The following CAMK1D variants were observed in gnomAD, a reference collection of about 807,000 sequenced individuals.
CAMK1D encodes calcium/calmodulin-dependent protein kinase type 1D.
CAMK1D carries 9 observed loss-of-function variants against 47.7 expected under a neutral mutation model. The observed-to-expected ratio is 0.19, with a 90% confidence interval of 0.11 to 0.33. The LOEUF (loss-of-function observed/expected upper bound fraction) is 0.33, where lower values mean the gene tolerates loss of function less well. Ranked by LOEUF, CAMK1D falls within the 10% of genes least tolerant of loss-of-function variation. The pLI, the probability that CAMK1D is intolerant of heterozygous loss-of-function variation, is 1.00. For missense variants in CAMK1D, 291 were observed against 488.7 expected, an observed-to-expected ratio of 0.60 and a Z score of 3.81; for synonymous variants, 184 against 184.9, an observed-to-expected ratio of 0.99 and a Z score of 0.04.
intron 2 of CAMK1D, among the ~76,000 whole-genome samples, chr10:12,644,574 T>G (rs1324515289): frequency 6.6e-6 from 1 of 152,216 alleles, no homozygotes; most frequent in East Asian, 1.9e-4. Context: ...TCATGCTTAG[T>G]GGGGTTCCTG....
chr10:12,751,061 GA>G (rs1442960803), intron 3 of CAMK1D, among the ~76,000 whole-genome samples: 1 of 1,384 alleles, frequency 7.2e-4, no homozygotes, highest in East Asian at 0.014. Context: ...AATAAGATAA[GA>G]TAAGATAAGA....
intron 1 of CAMK1D, among the ~76,000 whole-genome samples, chr10:12,470,078 G>T (rs1039465412): frequency 6.6e-6 from 1 of 152,164 alleles, no homozygotes; most frequent in Non-Finnish European, 1.5e-5. Context: ...TAAACAACCA[G>T]ATTGTTAGGT....
intron 3 of CAMK1D, chr10:12,725,359 T>C (rs543680893): frequency 6.4e-6 from 1 of 156,094 alleles, no homozygotes; most frequent in South Asian, 2.0e-4. Flanking sequence ...AATATATTCT[T>C]ACGTGTGAAA....
At chr10:12,771,914 G>C (rs1342335030) in intron 5 of CAMK1D, among the ~76,000 whole-genome samples, 1 of 152,078 alleles carries the variant, frequency 6.6e-6, no homozygotes, top group Non-Finnish European at 1.5e-5. Context: ...CACACCTGTA[G>C]TCCCAGCTAC....
At position 12,615,593 on chromosome 10, in the gene CAMK1D, A is replaced by G. The variant is rs1001406714; in HGVS notation, c.225-51143A>G. Among the ~76,000 whole-genome samples the G allele has an allele frequency of 2.7e-3, 44 of 16,478 alleles. 1 individual carries two copies. Among genetic ancestry groups the G allele is most frequent in the African/African-American group, 3.6e-3 (42 of 11,536 alleles). The allele number at this position is 16,478 out of a possible 152,430, so 10.8% of individuals were successfully genotyped here. ...TGTGTGTGCGTGTGTGTAGGTGTGT[A>G]TTGTGTTTGCAAGTATGTATACGTA... On this transcript the variant is annotated intron_variant, in intron 2 of 10. Coordinates refer to ENST00000619168, the MANE Select transcript of CAMK1D (RefSeq NM_153498.4).
intron 1 of CAMK1D, among the ~76,000 whole-genome samples, chr10:12,366,062 A>G (rs143756050): frequency 2.0e-5 from 3 of 152,324 alleles, no homozygotes; most frequent in African/African-American, 7.2e-5. Flanking sequence ...TCTCAAAAAA[A>G]CACGTTTCCT....
At chr10:12,466,783 C>T (rs1005190639) in intron 1 of CAMK1D, among the ~76,000 whole-genome samples, 1 of 152,012 alleles carries the variant, frequency 6.6e-6, no homozygotes, top group Admixed American at 6.6e-5. Context: ...GTCTTGGGAA[C>T]GTTTTTTATG....
chr10:12,673,849 T>C (rs1336949104), intron 3 of CAMK1D, among the ~76,000 whole-genome samples: 1 of 152,228 alleles, frequency 6.6e-6, no homozygotes, highest in African/African-American at 2.4e-5. Context: ...TTGAGGATTT[T>C]GTAGCCTGTA....
At chr10:12,761,840 C>T (rs1184895144) in intron 4 of CAMK1D, among the ~76,000 whole-genome samples, 1 of 152,122 alleles carries the variant, frequency 6.6e-6, no homozygotes, top group East Asian at 1.9e-4. Flanking sequence ...GAGCCGAGAT[C>T]GCACCACTGC....
At chr10:12,355,344 A>C (rs1337200956) in intron 1 of CAMK1D, among the ~76,000 whole-genome samples, 1 of 152,194 alleles carries the variant, frequency 6.6e-6, no homozygotes, top group East Asian at 1.9e-4. Flanking sequence ...TATGCTACTT[A>C]TTCTGAAATT....
rs181825431 is a variant in CAMK1D at position 12,495,040 on chromosome 10, A to G, written c.93-58185A>G. On this transcript the variant is annotated intron_variant, in intron 1 of 10. Transcript: ENST00000619168. ...CTTCTCATGGAAAACCTTCTTATTG[A>G]GAATTAAAAACACCGCTATCAAAAT... 5.9e-5 allele frequency among the ~76,000 whole-genome samples: 9 copies of G among 152,328 alleles called. No homozygotes were observed. The East Asian group carries it at 1.7e-3, about 29-fold the overall frequency.
chr10:12,797,200 T>TG (rs1838234317), intron 6 of CAMK1D, among the ~76,000 whole-genome samples: 1 of 150,560 alleles, frequency 6.6e-6, no homozygotes, highest in Non-Finnish European at 1.5e-5. Flanking sequence ...CAGTTCCTTT[T>TG]TTTTTTTTTT....
chr10:12,729,455 G>T (rs957887030), intron 3 of CAMK1D, among the ~76,000 whole-genome samples: 1 of 152,000 alleles, frequency 6.6e-6, no homozygotes, highest in African/African-American at 2.4e-5. Flanking sequence ...GGGTAACATA[G>T]CAAGACCTCG....
At chr10:12,794,351 G>A (rs1279095986) in intron 6 of CAMK1D, among the ~76,000 whole-genome samples, 2 of 152,050 alleles carry the variant, frequency 1.3e-5, no homozygotes, top group African/African-American at 4.8e-5. Flanking sequence ...ATTTAGGAAG[G>A]GGGGTGAGAT....
intron 4 of CAMK1D, 140 bp downstream of exon 4, chr10:12,761,226 G>A: frequency 1.0e-6 from 1 of 984,520 alleles, no homozygotes; most frequent in South Asian, 1.8e-5. Flanking sequence ...TGTGTACTTT[G>A]AGTTGTCAGG....
chr10:12,355,606 G>A (rs1274290286), intron 1 of CAMK1D, among the ~76,000 whole-genome samples: 1 of 152,086 alleles, frequency 6.6e-6, no homozygotes, highest in Admixed American at 6.6e-5. Context: ...GAGTCCGTGA[G>A]AAGCATTAGG....
chr10:12,543,027 G>A (rs1373179617), intron 1 of CAMK1D, among the ~76,000 whole-genome samples: 2 of 151,736 alleles, frequency 1.3e-5, no homozygotes, highest in East Asian at 1.9e-4. Context: ...GATTACAGGC[G>A]TGAGCCACCA....
At chr10:12,700,042 A>C (rs934501135) in intron 3 of CAMK1D, among the ~76,000 whole-genome samples, 1 of 152,040 alleles carries the variant, frequency 6.6e-6, no homozygotes, top group African/African-American at 2.4e-5. Context: ...CGTAATACTC[A>C]TTTTCCACGA....
chr10:12,359,525 T>G (rs1408610253), intron 1 of CAMK1D, among the ~76,000 whole-genome samples: 1 of 127,938 alleles, frequency 7.8e-6, no homozygotes, highest in Middle Eastern at 3.8e-3. Flanking sequence ...AGCTTCTCGG[T>G]TTTTTTTTTT....
Sources: allele counts gnomAD v4.1 joint callset (sites outside exome capture counted in the v4.1 genomes callset), GRCh38; gene constraint gnomAD v4.1.1; transcripts MANE v1.5; gene names NCBI Gene and HGNC (gene_info 2026-07-23, HGNC 2026-07-21).